The following KCNIP4 variants were observed in gnomAD, a reference collection of about 807,000 sequenced individuals.
KCNIP4 encodes the protein Kv channel-interacting protein 4.
KCNIP4 carries 12 observed loss-of-function variants against 34.0 expected under a neutral mutation model. The observed-to-expected ratio is 0.35, with a 90% CI of 0.23 to 0.57. The LOEUF (loss-of-function observed/expected upper bound fraction) is 0.57. KCNIP4 is among the 20% of genes least tolerant of loss of function. KCNIP4 has a pLI of 0.83. For missense variants in KCNIP4, 238 were observed against 311.7 expected, an observed-to-expected ratio of 0.76 and a Z score of 1.78; for synonymous variants, 124 against 102.2, an observed-to-expected ratio of 1.21 and a Z score of -1.29.
intron 3 of KCNIP4, among the ~76,000 whole-genome samples, chr4:20,797,393 C>T (rs139854565): frequency 1.1e-3 from 172 of 152,226 alleles, no homozygotes; most frequent in African/African-American, 3.8e-3. Flanking sequence ...CAACAGTCTT[C>T]CATGGTATGG....
chr4:20,876,852 G>C (rs377152573), intron 2 of KCNIP4, among the ~76,000 whole-genome samples: 1 of 152,128 alleles, frequency 6.6e-6, no homozygotes, highest in Non-Finnish European at 1.5e-5. Flanking sequence ...GATTACAGGC[G>C]TGAGCCACCG....
At chr4:20,826,222 A>G (rs1037465546) in intron 3 of KCNIP4, among the ~76,000 whole-genome samples, 2 of 152,066 alleles carry the variant, frequency 1.3e-5, no homozygotes, top group African/African-American at 4.8e-5. Flanking sequence ...GGACCAGGAG[A>G]GGCATGTGCC....
chr4:21,654,301 T>C (rs1407802131), intron 1 of KCNIP4, among the ~76,000 whole-genome samples: 3 of 152,214 alleles, frequency 2.0e-5, no homozygotes, highest in Non-Finnish European at 1.5e-5. Flanking sequence ...ACTTTTGCAA[T>C]TGTTACTTAA....
At chr4:21,013,932 C>T (rs952858231) in intron 1 of KCNIP4, among the ~76,000 whole-genome samples, 1 of 152,116 alleles carries the variant, frequency 6.6e-6, no homozygotes, top group East Asian at 1.9e-4. Flanking sequence ...ACTCTGCTGT[C>T]CTCATTATCC....
intron 1 of KCNIP4, among the ~76,000 whole-genome samples, chr4:21,406,995 T>C (rs925334310): frequency 1.3e-5 from 2 of 152,126 alleles, no homozygotes; most frequent in African/African-American, 2.4e-5. Flanking sequence ...TGTATATAAC[T>C]TAGTGAATCA....
intron 3 of KCNIP4, among the ~76,000 whole-genome samples, chr4:20,844,395 T>A (rs116588702): frequency 1.3e-5 from 2 of 152,176 alleles, no homozygotes; most frequent in African/African-American, 4.8e-5. Flanking sequence ...GCCTTTTATC[T>A]GAGTCTTTCA....
chr4:21,065,742 A>ATATG, intron 1 of KCNIP4, among the ~76,000 whole-genome samples: 1 of 141,940 alleles, frequency 7.0e-6, no homozygotes, highest in African/African-American at 2.6e-5. Flanking sequence ...ATATATATAT[A>ATATG]TATATATATA....
chr4:21,831,742 C>A (rs1045880070), intron 1 of KCNIP4, among the ~76,000 whole-genome samples: 8 of 148,308 alleles, frequency 5.4e-5, no homozygotes, highest in African/African-American at 2.0e-4. Flanking sequence ...AGAATTCACA[C>A]TAGTTCCTCT....
At chr4:21,022,597 A>C (rs974342463) in intron 1 of KCNIP4, among the ~76,000 whole-genome samples, 8 of 152,352 alleles carry the variant, frequency 5.3e-5, no homozygotes, top group African/African-American at 1.7e-4. Flanking sequence ...ATTAGAACAT[A>C]TGAGCAAGAA....
At chr4:21,524,954 T>C (rs768041559) in intron 1 of KCNIP4, among the ~76,000 whole-genome samples, 1 of 152,186 alleles carries the variant, frequency 6.6e-6, no homozygotes, top group African/African-American at 2.4e-5. Context: ...ATGTTAGTTA[T>C]GTGCTCCTGC....
chr4:20,877,602 TTAC>T (rs1406403294), intron 2 of KCNIP4, among the ~76,000 whole-genome samples: 2 of 152,238 alleles, frequency 1.3e-5, no homozygotes, highest in Non-Finnish European at 2.9e-5. Context: ...GCTATTATTA[TTAC>T]TACTATTGTT....
chr4:21,621,700 A>C (rs1245649853), intron 1 of KCNIP4, among the ~76,000 whole-genome samples: 2 of 152,134 alleles, frequency 1.3e-5, no homozygotes, highest in African/African-American at 4.8e-5. Flanking sequence ...GGAGGTTTTC[A>C]CAATAGACAA....
intron 3 of KCNIP4, among the ~76,000 whole-genome samples, chr4:20,822,246 G>T (rs1717201653): frequency 6.6e-6 from 1 of 151,974 alleles, no homozygotes; most frequent in Non-Finnish European, 1.5e-5. Context: ...CCATCAAAAA[G>T]CAGGCCAAGG....
chr4:21,436,418 T>C (rs1200065200), intron 1 of KCNIP4, among the ~76,000 whole-genome samples: 2 of 152,232 alleles, frequency 1.3e-5, no homozygotes, highest in Non-Finnish European at 2.9e-5. Context: ...TTACTTCCCA[T>C]TGATATCTAA....
At chr4:21,832,035 A>G (rs1723019894) in intron 1 of KCNIP4, among the ~76,000 whole-genome samples, 1 of 152,154 alleles carries the variant, frequency 6.6e-6, no homozygotes, top group South Asian at 2.1e-4. Context: ...AAAACAGCAC[A>G]TATATCACAA....
At chr4:21,928,869 A>T (rs1729411535) in intron 1 of KCNIP4, among the ~76,000 whole-genome samples, 1 of 143,452 alleles carries the variant, frequency 7.0e-6, no homozygotes, top group Non-Finnish European at 1.5e-5. Flanking sequence ...CCTTCCCGAG[A>T]TCAACCTAAC....
intron 1 of KCNIP4, among the ~76,000 whole-genome samples, chr4:21,823,511 A>G (rs1427247293): frequency 7.8e-6 from 1 of 127,978 alleles, no homozygotes; most frequent in African/African-American, 2.5e-5. Flanking sequence ...TCTGTCTTAA[A>G]AAAAAAAACA....
At chr4:21,039,296 G>A (rs1210065308) in intron 1 of KCNIP4, among the ~76,000 whole-genome samples, 1 of 151,904 alleles carries the variant, frequency 6.6e-6, no homozygotes, top group Non-Finnish European at 1.5e-5. Flanking sequence ...AGGGAACAAG[G>A]GAGGTGGAGG....
chr4:20,736,569 TTA>T (rs1474277163), intron 5 of KCNIP4, among the ~76,000 whole-genome samples: 4 of 152,306 alleles, frequency 2.6e-5, no homozygotes, highest in African/African-American at 9.6e-5. Flanking sequence ...TTTCTAATTT[TTA>T]TATGTTTACT....
Sources: gnomAD v4.1 joint callset for allele counts (sites outside exome capture counted in the v4.1 genomes callset) on GRCh38, gnomAD v4.1.1 for gene constraint, MANE v1.5 for transcripts, NCBI Gene and HGNC (gene_info 2026-07-23, HGNC 2026-07-21) for gene names.